Variants in NPTN observed in about 807,000 individuals in gnomAD.
The protein encoded by NPTN is SDR-1.
Under a neutral mutation model 42.7 loss-of-function variants are expected in NPTN, and 5 were observed. The observed-to-expected ratio is 0.12, with a 90% CI of 0.06 to 0.25. NPTN has a LOEUF of 0.25. NPTN is among the 10% of genes least tolerant of loss of function. The probability of loss-of-function intolerance (pLI) is 1.00; values close to 1 mark genes in which losing one functional copy is unlikely to be tolerated. For missense variants in NPTN, 307 were observed against 525.4 expected, an observed-to-expected ratio of 0.58 and a Z score of 4.06; for synonymous variants, 180 against 201.9, an observed-to-expected ratio of 0.89 and a Z score of 0.92.
chr15:73,590,530 G>GC (rs1896536153), intron 3 of NPTN, among the ~76,000 whole-genome samples: 1 of 151,898 alleles, frequency 6.6e-6, no homozygotes, highest in East Asian at 1.9e-4. Context: ...GAGAGGCCAA[G>GC]GTGGGGAGAC....
chr15:73,591,342 T>C (rs753465102), intron 3 of NPTN, among the ~76,000 whole-genome samples: 23 of 152,326 alleles, frequency 1.5e-4, no homozygotes, highest in Non-Finnish European at 2.4e-4. Context: ...TTCTGCAAGG[T>C]GGGGTGCCAT....
At chr15:73,618,402 A>G (rs370542933) in intron 1 of NPTN, among the ~76,000 whole-genome samples, 1 of 152,226 alleles carries the variant, frequency 6.6e-6, no homozygotes, top group African/African-American at 2.4e-5. Flanking sequence ...CTAAACTTTT[A>G]TATTACACTT....
At chr15:73,592,220 G>C (rs1896626655) in intron 2 of NPTN, 83 bp from the exon 3 acceptor site, 1 of 1,198,562 alleles carries the variant, frequency 8.3e-7, no homozygotes, top group East Asian at 2.5e-5. Flanking sequence ...GGGGTAGGAG[G>C]GGGAAACTAG....
intron 7 of NPTN, 134 bp from the exon 8 acceptor site, chr15:73,562,104 G>A (rs1894711624): frequency 1.5e-6 from 1 of 664,360 alleles, no homozygotes; most frequent in Non-Finnish European, 2.7e-6. Context: ...CACAATATGA[G>A]TGCATAAAAA....
chr15:73,595,918 G>C (rs998564677), intron 2 of NPTN, among the ~76,000 whole-genome samples: 4 of 152,210 alleles, frequency 2.6e-5, no homozygotes, highest in African/African-American at 9.7e-5. Context: ...CTGCTACAAG[G>C]AGAGGATTCT....
chr15:73,625,087 T>C (rs763184467), intron 1 of NPTN, among the ~76,000 whole-genome samples: 4 of 152,218 alleles, frequency 2.6e-5, no homozygotes, highest in Admixed American at 6.5e-5. Flanking sequence ...TATTCCAGAC[T>C]AACATGGCAT....
chr15:73,561,832 A>C, intron 8 of NPTN, 64 bp downstream of exon 8: 1 of 1,170,812 alleles, frequency 8.5e-7, no homozygotes, highest in South Asian at 1.3e-5. Context: ...ATTTGTAACA[A>C]GGTCAATAGA....
intron 1 of NPTN, among the ~76,000 whole-genome samples, chr15:73,609,357 G>A (rs562318813): frequency 3.3e-5 from 5 of 152,196 alleles, no homozygotes; most frequent in Admixed American, 2.0e-4. Flanking sequence ...CTGGCCGGGC[G>A]CAGTGGCTCA....
Position 73,569,296 on chromosome 15 carries a change from A to C in NPTN, c.1114+854T>G. 1 of 985,584 alleles carries C rather than the reference A, an allele frequency of 1.0e-6. No homozygotes were observed. The highest frequency in any genetic ancestry group is 1.2e-6 in the Non-Finnish European group (1 of 830,062). 61.1% of individuals were successfully genotyped at this position (985,584 alleles called of 1,614,324 possible). On this transcript the variant is annotated intron_variant, in intron 6 of 8. Transcript: ENST00000345330. This position sits in a 1 kb window ranked among gnomAD's most constrained non-coding sequence, Gnocchi z 4.1. ...CAGCAGCTTCCCCCTTCACAGGAAA[A>C]ATCGATCACCAAAAATTTCCCAAGG...
intron 2 of NPTN, among the ~76,000 whole-genome samples, chr15:73,596,395 G>A (rs754285449): frequency 6.6e-6 from 1 of 152,124 alleles, no homozygotes; most frequent in Non-Finnish European, 1.5e-5. Context: ...CCACCACACT[G>A]CACCCATGGC....
At chr15:73,630,282 A>G (rs1401416082) in intron 1 of NPTN, among the ~76,000 whole-genome samples, 1 of 152,212 alleles carries the variant, frequency 6.6e-6, no homozygotes, top group East Asian at 1.9e-4. Context: ...CTCAAACCTG[A>G]GTCTGTCACC....
At chr15:73,602,385 A>G (rs577789931) in intron 1 of NPTN, among the ~76,000 whole-genome samples, 34 of 152,342 alleles carry the variant, frequency 2.2e-4, no homozygotes, top group African/African-American at 7.0e-4. Context: ...AGCCAAGATC[A>G]TAAGAGCGTT....
chr15:73,563,299 A>G, intron 6 of NPTN, 42 bp from the exon 7 acceptor site: 1 of 1,609,344 alleles, frequency 6.2e-7, no homozygotes, highest in Non-Finnish European at 8.5e-7. Context: ...GAGAGATAAG[A>G]GAAGAAAGGA....
chr15:73,587,778 A>G (rs141396760), intron 3 of NPTN, among the ~76,000 whole-genome samples, 160 bp from the exon 4 acceptor site: 1 of 152,324 alleles, frequency 6.6e-6, no homozygotes, highest in African/African-American at 2.4e-5. Context: ...TGTGCATCCT[A>G]AAACATTAAT....
intron 6 of NPTN, chr15:73,568,923 C>T: frequency 2.0e-6 from 2 of 985,528 alleles, no homozygotes; most frequent in Non-Finnish European, 2.4e-6. Context: ...AACATGTCCT[C>T]CCAGAGAGTC....
chr15:73,576,110 G>C (rs1895680780), intron 4 of NPTN, among the ~76,000 whole-genome samples: 2 of 152,096 alleles, frequency 1.3e-5, no homozygotes, highest in South Asian at 4.1e-4. Flanking sequence ...CAAGGAGCAG[G>C]CTCCATAGCC....
chr15:73,566,827 G>C (rs1167363264), intron 6 of NPTN, among the ~76,000 whole-genome samples: 2 of 152,158 alleles, frequency 1.3e-5, no homozygotes, highest in Non-Finnish European at 2.9e-5. Flanking sequence ...TGATTCACTT[G>C]TTCCTGAAAA....
intron 1 of NPTN, among the ~76,000 whole-genome samples, chr15:73,611,822 A>G (rs1251180403): frequency 1.3e-5 from 2 of 152,100 alleles, no homozygotes; most frequent in Non-Finnish European, 2.9e-5. Flanking sequence ...TGGGAATGTG[A>G]TAGTGGGGGC....
chr15:73,588,384 A>G (rs1302387251), intron 3 of NPTN, among the ~76,000 whole-genome samples: 1 of 152,218 alleles, frequency 6.6e-6, no homozygotes, highest in East Asian at 1.9e-4. Flanking sequence ...TTTTAGGAGC[A>G]TGCGTTTCCA....
Sources: gnomAD v4.1 joint callset for allele counts (sites outside exome capture counted in the v4.1 genomes callset) on GRCh38, gnomAD v4.1.1 for gene constraint, Gnocchi (gnomAD v3.1) non-coding constraint, MANE v1.5 for transcripts, NCBI Gene and HGNC (gene_info 2026-07-23, HGNC 2026-07-21) for gene names.